The following STK24 variants were observed in gnomAD, a reference collection of about 807,000 sequenced individuals.
STK24 encodes serine/threonine kinase 24.
In STK24, 21 loss-of-function variants were observed where a neutral mutation model predicts 55.6. The ratio of observed to expected loss-of-function variants is 0.38; its 90% CI spans 0.27 to 0.54. STK24 has a LOEUF of 0.54. STK24 is among the 20% of genes least tolerant of loss of function. The probability of loss-of-function intolerance (pLI) is 0.79; values close to 1 mark genes in which losing one functional copy is unlikely to be tolerated. For synonymous variants in STK24, 200 were observed against 215.2 expected, an observed-to-expected ratio of 0.93 and a Z score of 0.62; for missense variants, 383 against 538.4, an observed-to-expected ratio of 0.71 and a Z score of 2.86.
At chr13:98,540,070 C>T (rs182688998) in intron 1 of STK24, among the ~76,000 whole-genome samples, 2 of 152,312 alleles carry the variant, frequency 1.3e-5, no homozygotes, top group South Asian at 2.1e-4. Flanking sequence ...AGCTGCGTTG[C>T]GAGCCCCAAG....
chr13:98,499,263 G>C (rs1895357455), intron 2 of STK24, among the ~76,000 whole-genome samples: 2 of 151,328 alleles, frequency 1.3e-5, no homozygotes, highest in Admixed American at 6.6e-5. Flanking sequence ...CTTCAAGTAA[G>C]GGCCTAATGT....
intron 1 of STK24, among the ~76,000 whole-genome samples, chr13:98,559,464 C>T (rs1897360557): frequency 2.0e-5 from 3 of 152,200 alleles, no homozygotes; most frequent in Admixed American, 2.0e-4. Context: ...TGTGAGGCCT[C>T]CCCAACCATG....
In STK24 at chr13:98,446,984, A is replaced by G. The variant is rs758668833; in HGVS notation, c.*6189T>C. 3.8e-4 allele frequency: 262 copies of G among 686,094 alleles called. No individual in the cohort carries two copies. Among genetic ancestry groups the G allele is most frequent in the Non-Finnish European group, 5.7e-4 (236 of 413,606 alleles). The allele number at this position is 686,094 out of a possible 1,614,324, so 42.5% of individuals were successfully genotyped here. A position where few individuals can be genotyped will look rare whatever the true frequency, so the allele number is the denominator to read the frequency against. ...GACACCAGCAGGCGATTCTGTTCTC[A>G]TGGCAGAAAGTGGGGTCCCAACTTC... On this transcript the variant is annotated 3_prime_UTR_variant, in exon 11 of 11. Coordinates refer to ENST00000539966, the MANE Select transcript of STK24 (RefSeq NM_001032296.4).
At chr13:98,556,177 T>TG (rs954622134) in intron 1 of STK24, among the ~76,000 whole-genome samples, 7 of 152,192 alleles carry the variant, frequency 4.6e-5, no homozygotes, top group African/African-American at 1.7e-4. Context: ...CCAACAGGGC[T>TG]GGCAGGGGGC....
intron 1 of STK24, among the ~76,000 whole-genome samples, chr13:98,551,311 T>C (rs994386455): frequency 2.0e-5 from 3 of 151,586 alleles, no homozygotes; most frequent in Non-Finnish European, 2.9e-5. Context: ...TCAAGACTTA[T>C]CTACGTTTCC....
At chr13:98,551,194 G>A (rs2139435206) in intron 1 of STK24, among the ~76,000 whole-genome samples, 1 of 151,908 alleles carries the variant, frequency 6.6e-6, no homozygotes, top group Non-Finnish European at 1.5e-5. Context: ...GCTGAGGCAG[G>A]AGAATGGCGT....
chr13:98,559,527 A>T (rs533954395), intron 1 of STK24, among the ~76,000 whole-genome samples: 53 of 152,246 alleles, frequency 3.5e-4, no homozygotes, highest in South Asian at 1.0e-3. Context: ...AGTCTCGGGT[A>T]TTTCTTCATA....
At chr13:98,471,282 A>T (rs1894133015) in intron 5 of STK24, among the ~76,000 whole-genome samples, 1 of 152,082 alleles carries the variant, frequency 6.6e-6, no homozygotes, top group Admixed American at 6.5e-5. Flanking sequence ...CAACAATGCT[A>T]TTTTTTTCCA....
chr13:98,551,477 C>A (rs1401000015), intron 1 of STK24, among the ~76,000 whole-genome samples: 1 of 150,972 alleles, frequency 6.6e-6, no homozygotes, highest in East Asian at 1.9e-4. Context: ...GCACCTTTAT[C>A]CTACTCCAAA....
chr13:98,485,961 C>T (rs1288893514), intron 2 of STK24, among the ~76,000 whole-genome samples: 1 of 152,130 alleles, frequency 6.6e-6, no homozygotes, highest in African/African-American at 2.4e-5. Flanking sequence ...AGCAGCTTTC[C>T]CCTCCTTCCC....
chr13:98,507,214 G>A (rs1594622201), intron 2 of STK24, among the ~76,000 whole-genome samples: 2 of 152,222 alleles, frequency 1.3e-5, no homozygotes, highest in East Asian at 3.8e-4. Flanking sequence ...TGGAGAGAGG[G>A]AATCCGGTAA....
intron 2 of STK24, among the ~76,000 whole-genome samples, chr13:98,515,932 T>C (rs1896040795): frequency 6.6e-6 from 1 of 152,214 alleles, no homozygotes; most frequent in Non-Finnish European, 1.5e-5. Context: ...TGTTTTAAAA[T>C]GACAGTGAAA....
chr13:98,521,954 G>T, intron 1 of STK24: 2 of 1,344,758 alleles, frequency 1.5e-6, no homozygotes, highest in Non-Finnish European at 2.1e-6. Context: ...ACATGCTCCA[G>T]TTTCTCCCAT....
chr13:98,453,269 T>A, intron 10 of STK24, 60 bp from the exon 11 acceptor site: 1 of 1,541,752 alleles, frequency 6.5e-7, no homozygotes, highest in South Asian at 1.2e-5. Flanking sequence ...TGTGCAAAAA[T>A]TCATATAGTA....
At position 98,571,794 on chromosome 13, in the gene STK24, G is replaced by A. The variant is rs142278957; in HGVS notation, c.42+4951C>T. ...AATGTTCACTGAGAGTTCAAGCCACGAAGCTGAGTGAATGCTAAAAAAATC... is the reference window on the plus strand; with the variant it reads ...AATGTTCACTGAGAGTTCAAGCCACAAAGCTGAGTGAATGCTAAAAAAATC... On this transcript the variant is annotated intron_variant, in intron 1 of 10. Transcript: ENST00000539966. Among the ~76,000 whole-genome samples, 45 of 152,242 alleles carry A rather than the reference G, an allele frequency of 3.0e-4. No homozygotes were observed. In the East Asian group the frequency reaches 7.5e-3, roughly 25 times the overall value.
intron 2 of STK24, among the ~76,000 whole-genome samples, chr13:98,488,754 A>G (rs1894904512): frequency 6.6e-6 from 1 of 152,172 alleles, no homozygotes; most frequent in Admixed American, 6.5e-5. Context: ...GGGCCCCCAC[A>G]TTAACAACTC....
chr13:98,446,493 C>T lies in STK24; in HGVS notation c.*6680G>A, dbSNP rs1218446804. 1.5e-6 allele frequency: 1 copy of T among 664,946 alleles called. No homozygotes were observed. The highest frequency in any genetic ancestry group is 2.6e-6 in the Non-Finnish European group (1 of 389,986). The allele number at this position is 664,946 out of a possible 1,614,324, so 41.2% of individuals were successfully genotyped here. Reference sequence around the variant, plus strand: ...TACAGCTCAGTCCTGGCGGGACTTGCCACCCGGGCCATCACGTACAGGCAA... The same window carrying T: ...TACAGCTCAGTCCTGGCGGGACTTGTCACCCGGGCCATCACGTACAGGCAA... On this transcript the variant is annotated 3_prime_UTR_variant, in exon 11 of 11. Coordinates refer to ENST00000539966, the MANE Select transcript of STK24 (RefSeq NM_001032296.4).
At chr13:98,499,434 G>A (rs1895365057) in intron 2 of STK24, among the ~76,000 whole-genome samples, 1 of 152,152 alleles carries the variant, frequency 6.6e-6, no homozygotes, top group South Asian at 2.1e-4. Flanking sequence ...GATTGCGTAT[G>A]GAAAGAAGCA....
At chr13:98,556,304 C>T (rs1897287791) in intron 1 of STK24, among the ~76,000 whole-genome samples, 2 of 152,206 alleles carry the variant, frequency 1.3e-5, no homozygotes, top group Admixed American at 1.3e-4. Context: ...AAAAGAGGTG[C>T]TCTTTGTCCC....
Sources: gnomAD v4.1 joint callset for allele counts (sites outside exome capture counted in the v4.1 genomes callset) on GRCh38, gnomAD v4.1.1 for gene constraint, MANE v1.5 for transcripts, NCBI Gene and HGNC (gene_info 2026-07-23, HGNC 2026-07-21) for gene names.